Variants in GRM5 observed in about 807,000 individuals in gnomAD.
GRM5 encodes metabotropic glutamate receptor 5.
In GRM5, 19 loss-of-function variants were observed where a neutral mutation model predicts 83.1. That is an observed-to-expected ratio of 0.23 (90% CI 0.16 to 0.34). GRM5 has a LOEUF of 0.34. Ranked by LOEUF, GRM5 falls within the 10% of genes least tolerant of loss-of-function variation. The pLI is 1.00. For missense variants in GRM5, 1,160 were observed against 1,588.3 expected (o/e 0.73, Z 4.58); for synonymous variants, 675 against 633.6 (o/e 1.07, Z -0.98).
At chr11:88,643,466 G>A (rs540114822) in intron 4 of GRM5, among the ~76,000 whole-genome samples, 16 of 152,236 alleles carry the variant, frequency 1.1e-4, no homozygotes, top group Middle Eastern at 6.8e-3. Flanking sequence ...CAGCCTTTCT[G>A]TGCAGCATTC....
chr11:88,843,343 A>G (rs907006168), intron 3 of GRM5, among the ~76,000 whole-genome samples: 3 of 152,268 alleles, frequency 2.0e-5, no homozygotes, highest in South Asian at 2.1e-4. Context: ...CCATAAATGT[A>G]TACAATATAT....
At chr11:88,789,372 G>GA in intron 3 of GRM5, among the ~76,000 whole-genome samples, 1 of 151,556 alleles carries the variant, frequency 6.6e-6, no homozygotes, top group South Asian at 2.1e-4. Context: ...AAAGAAAAAA[G>GA]AAAAAAAGAA....
chr11:88,536,313 T>C (rs7936439), intron 8 of GRM5, among the ~76,000 whole-genome samples: 5,208 of 152,098 alleles, frequency 0.034, 293 homozygotes, highest in African/African-American at 0.12. Flanking sequence ...AGTGGGCTTA[T>C]GTGCTTATTC....
intron 3 of GRM5, among the ~76,000 whole-genome samples, chr11:88,801,709 A>C (rs866482474): frequency 1.1e-4 from 16 of 152,184 alleles, no homozygotes; most frequent in African/African-American, 2.9e-4. Context: ...TGCTAGAATA[A>C]CTTGACTTCT....
chr11:88,944,387 T>C (rs1702599176), intron 2 of GRM5, among the ~76,000 whole-genome samples: 2 of 151,940 alleles, frequency 1.3e-5, no homozygotes, highest in Non-Finnish European at 2.9e-5. Flanking sequence ...TCCTTTATTT[T>C]ATTGAATATA....
At chr11:88,886,735 TA>T (rs1945049908) in intron 2 of GRM5, among the ~76,000 whole-genome samples, 1 of 152,184 alleles carries the variant, frequency 6.6e-6, no homozygotes, top group Non-Finnish European at 1.5e-5. Context: ...TCCAACTTTT[TA>T]TCATAATTTC....
chr11:89,039,039 G>A (rs2135137421), intron 2 of GRM5, among the ~76,000 whole-genome samples: 1 of 152,190 alleles, frequency 6.6e-6, no homozygotes, highest in Non-Finnish European at 1.5e-5. Context: ...TCCAAGGCAG[G>A]CAGATCATGA....
chr11:89,005,196 T>C (rs1940491504), intron 2 of GRM5, among the ~76,000 whole-genome samples: 1 of 152,208 alleles, frequency 6.6e-6, no homozygotes, highest in South Asian at 2.1e-4. Flanking sequence ...AAATTTTATG[T>C]GTTTAAATGT....
intron 3 of GRM5, among the ~76,000 whole-genome samples, chr11:88,716,613 T>TA (rs771382295): frequency 6.6e-5 from 10 of 151,944 alleles, no homozygotes; most frequent in Non-Finnish European, 1.2e-4. Flanking sequence ...AGGAGAGGCT[T>TA]AGTATTTCTT....
rs1461981383 is a variant in GRM5, at chr11:88,862,463, A to G, written c.662-12308T>C. On this transcript the variant is annotated intron_variant, in intron 2 of 9. Transcript: ENST00000305447. Reference sequence around the variant, plus strand: ...CATGCAGAGTAAATGAATAACAAACACTTAAAAATCCTCAGTTTTAAATTC... The same window carrying G: ...CATGCAGAGTAAATGAATAACAAACGCTTAAAAATCCTCAGTTTTAAATTC... Among the ~76,000 whole-genome samples, 3 of 152,164 alleles carry G rather than the reference A, an allele frequency of 2.0e-5. No homozygotes were observed. In the East Asian group the frequency reaches 5.8e-4, roughly 29 times the overall value.
intron 4 of GRM5, among the ~76,000 whole-genome samples, chr11:88,619,411 T>C (rs148197814): frequency 1.3e-5 from 2 of 152,214 alleles, no homozygotes; most frequent in Non-Finnish European, 2.9e-5. Context: ...TCAGAAGATG[T>C]GACAACACTG....
intron 3 of GRM5, among the ~76,000 whole-genome samples, chr11:88,843,020 C>T (rs1342626230): frequency 3.3e-5 from 5 of 152,160 alleles, no homozygotes. Context: ...AAATTAATGA[C>T]ACTGAATAGC....
At chr11:88,545,192 T>C (rs954203812) in intron 8 of GRM5, among the ~76,000 whole-genome samples, 4 of 152,216 alleles carry the variant, frequency 2.6e-5, no homozygotes, top group Admixed American at 2.0e-4. Context: ...TCTCAGTTCT[T>C]GGACTTTCTT....
chr11:88,795,738 G>C, intron 3 of GRM5, among the ~76,000 whole-genome samples: 1 of 152,134 alleles, frequency 6.6e-6, no homozygotes, highest in East Asian at 1.9e-4. Flanking sequence ...TCTGTAGTAA[G>C]CAGCTGAACT....
chr11:88,752,054 G>T (rs1417366890), intron 3 of GRM5, among the ~76,000 whole-genome samples: 1 of 152,162 alleles, frequency 6.6e-6, no homozygotes, highest in African/African-American at 2.4e-5. Flanking sequence ...AGACAATGAT[G>T]CCCTCTCTCA....
intron 4 of GRM5, among the ~76,000 whole-genome samples, chr11:88,615,106 C>T (rs1414732047): frequency 6.6e-6 from 1 of 152,022 alleles, no homozygotes; most frequent in Non-Finnish European, 1.5e-5. Flanking sequence ...GACGGATGTA[C>T]ATGTTTGTTC....
At chr11:88,805,942 T>C (rs1943492624) in intron 3 of GRM5, among the ~76,000 whole-genome samples, 1 of 152,216 alleles carries the variant, frequency 6.6e-6, no homozygotes, top group Non-Finnish European at 1.5e-5. Flanking sequence ...TAACTAGCTT[T>C]GATACTCTGC....
chr11:88,799,977 C>T (rs1356202919), intron 3 of GRM5, among the ~76,000 whole-genome samples: 3 of 152,060 alleles, frequency 2.0e-5, no homozygotes, highest in African/African-American at 7.2e-5. Context: ...ATCAACCTCC[C>T]AGTGAAAAGA....
At chr11:88,916,954 C>T (rs560715) in intron 2 of GRM5, among the ~76,000 whole-genome samples, 145,684 of 152,152 alleles carry the variant, frequency 0.96, 69,829 homozygotes, top group East Asian at 0.99. Context: ...CAGGATTCAG[C>T]ACCTCTGACT....
Sources: gnomAD v4.1 joint callset for allele counts (sites outside exome capture counted in the v4.1 genomes callset) on GRCh38, gnomAD v4.1.1 for gene constraint, MANE v1.5 for transcripts, NCBI Gene and HGNC (gene_info 2026-07-23, HGNC 2026-07-21) for gene names.